L3MBTL3: variants seen among roughly 807,000 people sequenced by gnomAD.
L3MBTL3 encodes lethal(3)malignant brain tumor-like protein 3.
Under a neutral mutation model 102.3 loss-of-function variants are expected in L3MBTL3, and 27 were observed. The observed-to-expected ratio is 0.26, with a 90% CI of 0.19 to 0.36. The LOEUF is 0.36. Among genes scored for constraint, L3MBTL3 ranks in the 10% least tolerant of loss-of-function variants. L3MBTL3 has a pLI of 1.00. For missense variants in L3MBTL3, 798 were observed against 955.3 expected, an observed-to-expected ratio of 0.84 and a Z score of 2.17; for synonymous variants, 340 against 320.9, an observed-to-expected ratio of 1.06 and a Z score of -0.64.
intron 12 of L3MBTL3, 113 bp downstream of exon 12, chr6:130,068,534 A>G: frequency 1.7e-6 from 1 of 605,988 alleles, no homozygotes; most frequent in Non-Finnish European, 3.0e-6. Context: ...GCCTTGGTAA[A>G]TAGAGTACTC....
chr6:130,035,427 A>G (rs1010707953), intron 2 of L3MBTL3, among the ~76,000 whole-genome samples: 3 of 152,234 alleles, frequency 2.0e-5, no homozygotes, highest in African/African-American at 7.2e-5. Context: ...GGAGTGGTGT[A>G]GGAGAGAGAT....
At chr6:130,024,846 A>G (rs1035772600) in intron 2 of L3MBTL3, among the ~76,000 whole-genome samples, 1 of 152,172 alleles carries the variant, frequency 6.6e-6, no homozygotes, top group Non-Finnish European at 1.5e-5. Flanking sequence ...ACAGTTGCAC[A>G]TGGTACCATT....
At chr6:130,121,595 T>C (rs952122151) in intron 20 of L3MBTL3, among the ~76,000 whole-genome samples, 1 of 152,204 alleles carries the variant, frequency 6.6e-6, no homozygotes, top group African/African-American at 2.4e-5. Flanking sequence ...AGACATTCTC[T>C]TAGGACCTTG....
chr6:130,074,687 C>T (rs981843943), intron 13 of L3MBTL3, among the ~76,000 whole-genome samples: 1 of 152,126 alleles, frequency 6.6e-6, no homozygotes, highest in Non-Finnish European at 1.5e-5. Context: ...TTCATGTACC[C>T]TTGTCTTTTG....
chr6:130,106,831 T>C (rs1218607198), intron 19 of L3MBTL3, among the ~76,000 whole-genome samples: 1 of 152,220 alleles, frequency 6.6e-6, no homozygotes, highest in East Asian at 1.9e-4. Context: ...GCTGGAAACA[T>C]ATCTTTAAGA....
chr6:130,130,461 A>T lies in L3MBTL3; in HGVS notation c.1967-2991A>T, dbSNP rs75302645. Among the ~76,000 whole-genome samples the T allele has an allele frequency of 2.9e-4, 44 of 152,326 alleles. No individual in the cohort carries two copies. The East Asian group carries it at 8.3e-3, about 29-fold the overall frequency. On this transcript the variant is annotated intron_variant, in intron 20 of 22. Coordinates refer to ENST00000361794, the MANE Select transcript of L3MBTL3 (RefSeq NM_032438.4). ...GTAGAATTGGAAATCTTACCATTTCATATAAAGCTGTCTTATAAAATATGT... is the reference window on the plus strand; with the variant it reads ...GTAGAATTGGAAATCTTACCATTTCTTATAAAGCTGTCTTATAAAATATGT...
intron 20 of L3MBTL3, among the ~76,000 whole-genome samples, chr6:130,122,206 A>G (rs1215809624): frequency 6.6e-6 from 1 of 152,216 alleles, no homozygotes; most frequent in East Asian, 1.9e-4. Flanking sequence ...TGTTTAGATT[A>G]CTATAAGATT....
At chr6:130,077,194 G>A (rs1404908704) in intron 13 of L3MBTL3, among the ~76,000 whole-genome samples, 1 of 152,008 alleles carries the variant, frequency 6.6e-6, no homozygotes, top group Non-Finnish European at 1.5e-5. Context: ...AAGGCAGTAA[G>A]ACATTAGTAA....
intron 10 of L3MBTL3, among the ~76,000 whole-genome samples, chr6:130,065,988 G>C (rs75323824): frequency 0.014 from 2,178 of 152,238 alleles, 58 homozygotes; most frequent in African/African-American, 0.05. Flanking sequence ...CTGGGGCCAT[G>C]CTAGAGCTGA....
intron 20 of L3MBTL3, among the ~76,000 whole-genome samples, chr6:130,126,048 G>T (rs183710617): frequency 6.6e-6 from 1 of 151,010 alleles, no homozygotes; most frequent in South Asian, 2.1e-4. Flanking sequence ...TGATCTTTGG[G>T]GACTTTAACT....
chr6:130,048,951 C>G (rs1780900005), intron 3 of L3MBTL3, among the ~76,000 whole-genome samples: 1 of 138,978 alleles, frequency 7.2e-6, no homozygotes, highest in Non-Finnish European at 1.6e-5. Context: ...AACACACACA[C>G]ACACACACAC....
chr6:130,041,438 T>C (rs1426607638), intron 2 of L3MBTL3, among the ~76,000 whole-genome samples: 3 of 152,224 alleles, frequency 2.0e-5, no homozygotes, highest in African/African-American at 4.8e-5. Context: ...CCCAGTGATA[T>C]GGTTACTCTA....
chr6:130,050,480 T>C (rs1208743351), intron 5 of L3MBTL3, among the ~76,000 whole-genome samples: 1 of 152,236 alleles, frequency 6.6e-6, no homozygotes, highest in Non-Finnish European at 1.5e-5. Context: ...TTCAAAACCC[T>C]GTTGAGGCTT....
Position 130,133,286 on chromosome 6 carries a change from T to C in L3MBTL3, c.1967-166T>C. 1 of 604,700 alleles carries C rather than the reference T, an allele frequency of 1.7e-6. No homozygotes were observed. The highest frequency in any genetic ancestry group is 2.8e-6 in the Non-Finnish European group (1 of 351,346). 37.5% of individuals were successfully genotyped at this position (604,700 alleles called of 1,614,324 possible). ...TGAATTTACAGGTTGTTTTTTATAG[T>C]GACCTTCAGTAAAGACAAAGAAGAG... On this transcript the variant is annotated intron_variant, in intron 20 of 22. Transcript: ENST00000361794. The surrounding 1 kb of genome is among the most constrained non-coding windows in gnomAD (Gnocchi z 4.9).
At chr6:130,058,754 C>T (rs1187592041) in intron 9 of L3MBTL3, among the ~76,000 whole-genome samples, 2 of 152,176 alleles carry the variant, frequency 1.3e-5, no homozygotes, top group African/African-American at 2.4e-5. Flanking sequence ...AAGTGGGCAT[C>T]GCTATGTTCC....
chr6:130,082,813 G>A (rs557518498), intron 14 of L3MBTL3, among the ~76,000 whole-genome samples: 11 of 152,316 alleles, frequency 7.2e-5, no homozygotes, highest in African/African-American at 2.6e-4. Flanking sequence ...ATGCAAAAAT[G>A]TATATGTCTA....
intron 18 of L3MBTL3, among the ~76,000 whole-genome samples, chr6:130,102,326 T>A (rs1784745340): frequency 6.6e-6 from 1 of 152,174 alleles, no homozygotes; most frequent in Non-Finnish European, 1.5e-5. Flanking sequence ...TTTCTTCAAT[T>A]TTGTCCCATT....
At chr6:130,094,809 G>T (rs927594244) in intron 18 of L3MBTL3, among the ~76,000 whole-genome samples, 1 of 152,162 alleles carries the variant, frequency 6.6e-6, no homozygotes, top group African/African-American at 2.4e-5. Flanking sequence ...AGTCAAACAT[G>T]AGAGTGCATT....
intron 1 of L3MBTL3, among the ~76,000 whole-genome samples, chr6:130,021,157 A>C (rs1014507944): frequency 2.0e-5 from 3 of 152,126 alleles, no homozygotes; most frequent in Non-Finnish European, 2.9e-5. Context: ...AGTAGAGAGC[A>C]TTTCTCCGGA....
Sources: gnomAD v4.1 joint callset for allele counts (sites outside exome capture counted in the v4.1 genomes callset) on GRCh38, gnomAD v4.1.1 for gene constraint, Gnocchi (gnomAD v3.1) non-coding constraint, MANE v1.5 for transcripts, NCBI Gene and HGNC (gene_info 2026-07-23, HGNC 2026-07-21) for gene names.